GAS2: variants seen among roughly 807,000 people sequenced by gnomAD.
GAS2 encodes the protein growth arrest-specific protein 2.
In GAS2, 20 loss-of-function variants were observed where a neutral mutation model predicts 37.5. The observed-to-expected ratio is 0.53, with a 90% CI of 0.37 to 0.77. The LOEUF (loss-of-function observed/expected upper bound fraction) is 0.77, where lower values mean the gene tolerates loss of function less well. GAS2 is among the 30% of genes least tolerant of loss of function. The probability of loss-of-function intolerance (pLI) is 0.00; values close to 1 mark genes in which losing one functional copy is unlikely to be tolerated. For synonymous variants in GAS2, 144 were observed against 132.2 expected (o/e 1.09, Z -0.61); for missense variants, 336 against 373.4 (o/e 0.90, Z 0.82).
chr11:22,736,261 A>ATT (rs1852750154), intron 4 of GAS2, among the ~76,000 whole-genome samples: 5 of 152,020 alleles, frequency 3.3e-5, no homozygotes, highest in Non-Finnish European at 7.4e-5. Context: ...CTTCATTTTA[A>ATT]GCCCTTTTAA....
chr11:22,695,188 G>A (rs150865426), intron 3 of GAS2, among the ~76,000 whole-genome samples: 1,886 of 152,116 alleles, frequency 0.012, 41 homozygotes, highest in African/African-American at 0.044. Context: ...GGGTGTGGTG[G>A]CATGCACCTG....
chr11:22,667,489 CAA>C (rs904334719), intron 1 of GAS2, among the ~76,000 whole-genome samples: 1 of 152,140 alleles, frequency 6.6e-6, no homozygotes, highest in African/African-American at 2.4e-5. Context: ...TGTGAATAAA[CAA>C]ACGCTAGCCG....
intron 5 of GAS2, among the ~76,000 whole-genome samples, chr11:22,739,176 G>A (rs1852915833): frequency 6.6e-6 from 1 of 152,068 alleles, no homozygotes; most frequent in South Asian, 2.1e-4. Flanking sequence ...CTTGCTTCTA[G>A]CACCCGGCCA....
intron 1 of GAS2, among the ~76,000 whole-genome samples, chr11:22,633,271 T>G (rs1340618527): frequency 6.6e-6 from 1 of 152,212 alleles, no homozygotes; most frequent in Admixed American, 6.5e-5. Flanking sequence ...ATGACTGTAA[T>G]GTTTATAGTT....
At chr11:22,691,437 G>A (rs1279951292) in intron 3 of GAS2, among the ~76,000 whole-genome samples, 2 of 152,142 alleles carry the variant, frequency 1.3e-5, no homozygotes, top group Non-Finnish European at 2.9e-5. Flanking sequence ...GAGAAATCCA[G>A]ATATTTGTGT....
At chr11:22,769,965 C>T (rs776623560) in intron 7 of GAS2, among the ~76,000 whole-genome samples, 1 of 152,084 alleles carries the variant, frequency 6.6e-6, no homozygotes, top group Non-Finnish European at 1.5e-5. Context: ...ATTATGCAGC[C>T]AGATAAAAGG....
chr11:22,782,833 T>C (rs1029406253), intron 7 of GAS2, among the ~76,000 whole-genome samples: 2 of 151,474 alleles, frequency 1.3e-5, no homozygotes, highest in African/African-American at 4.9e-5. Context: ...ATATTTTCTT[T>C]ATCCAATCTA....
chr11:22,770,667 C>T (rs776879217), intron 7 of GAS2, among the ~76,000 whole-genome samples: 7 of 152,136 alleles, frequency 4.6e-5, no homozygotes, highest in Non-Finnish European at 8.8e-5. Flanking sequence ...TTCTAACATA[C>T]ATATTTTAAA....
intron 4 of GAS2, among the ~76,000 whole-genome samples, chr11:22,728,945 G>T (rs943547983): frequency 5.3e-5 from 8 of 150,284 alleles, no homozygotes; most frequent in Non-Finnish European, 1.2e-4. Context: ...GACTCTACTT[G>T]CAGAATTGAC....
At chr11:22,651,114 C>G (rs337506) in intron 1 of GAS2, among the ~76,000 whole-genome samples, 148,183 of 152,064 alleles carry the variant, frequency 0.97, 72,329 homozygotes, top group East Asian at 1. Flanking sequence ...GGCAGGCCTG[C>G]TGGTGACAAA....
In GAS2 at chr11:22,627,073, G is replaced by T. The variant is rs1408369157; in HGVS notation, c.-21+1260G>T. 2.0e-5 allele frequency among the ~76,000 whole-genome samples: 3 copies of T among 152,162 alleles called. No homozygotes were observed. The South Asian group carries it at 6.2e-4, about 31-fold the overall frequency. On this transcript the variant is annotated intron_variant, in intron 1 of 5. Coordinates refer to the GAS2 transcript ENST00000528582. ...CTCCCAAAGTGCTGGGATTAGAGGC[G>T]TGTGCCACCGCGCCCGGCTATTATT...
At chr11:22,681,284 G>A (rs1849671367) in intron 2 of GAS2, among the ~76,000 whole-genome samples, 1 of 147,270 alleles carries the variant, frequency 6.8e-6, no homozygotes, top group Non-Finnish European at 1.5e-5. Flanking sequence ...GATTATAGTT[G>A]CCTGGCAAAA....
intron 7 of GAS2, among the ~76,000 whole-genome samples, chr11:22,800,087 A>G (rs962400150): frequency 1.3e-5 from 2 of 152,130 alleles, no homozygotes; most frequent in Admixed American, 6.6e-5. Flanking sequence ...TACATGCAGT[A>G]TAGTACAGTT....
At chr11:22,770,369 TG>T in intron 7 of GAS2, among the ~76,000 whole-genome samples, 1 of 152,188 alleles carries the variant, frequency 6.6e-6, no homozygotes, top group South Asian at 2.1e-4. Context: ...CATAATACAG[TG>T]GTAGGGCCTA....
At chr11:22,766,103 A>G (rs1854677886) in intron 7 of GAS2, among the ~76,000 whole-genome samples, 1 of 152,230 alleles carries the variant, frequency 6.6e-6, no homozygotes. Flanking sequence ...ACCTCCCACC[A>G]TGCCCCACCT....
chr11:22,646,477 TCTAC>T (rs1325236886), intron 1 of GAS2, among the ~76,000 whole-genome samples: 2 of 152,322 alleles, frequency 1.3e-5, no homozygotes, highest in Admixed American at 6.5e-5. Context: ...CAACTTTAAA[TCTAC>T]CTATGTGTTT....
chr11:22,710,583 C>T (rs1851357383), intron 3 of GAS2, among the ~76,000 whole-genome samples: 1 of 151,736 alleles, frequency 6.6e-6, no homozygotes, highest in South Asian at 2.1e-4. Context: ...GACAGAAAAA[C>T]TGATGCACAT....
intron 7 of GAS2, among the ~76,000 whole-genome samples, chr11:22,759,360 C>A (rs925165381): frequency 4.6e-5 from 7 of 152,146 alleles, no homozygotes; most frequent in Admixed American, 1.3e-4. Context: ...GTTCATATTT[C>A]TCCATTTACA....
upstream of GAS2, among the ~76,000 whole-genome samples, chr11:22,661,956 G>A (rs1197210411): frequency 6.6e-6 from 1 of 152,100 alleles, no homozygotes; most frequent in Non-Finnish European, 1.5e-5. Flanking sequence ...ATAATGTCAA[G>A]TAGAAAAATA....
Sources: gnomAD v4.1 joint callset for allele counts (sites outside exome capture counted in the v4.1 genomes callset) on GRCh38, gnomAD v4.1.1 for gene constraint, MANE v1.5 for transcripts, NCBI Gene and HGNC (gene_info 2026-07-23, HGNC 2026-07-21) for gene names.